MTFMT: variants seen among roughly 807,000 people sequenced by gnomAD.
MTFMT encodes mitochondrial methionyl-tRNA formyltransferase, also known as methionyl-tRNA formyltransferase, mitochondrial.
A neutral mutation model predicts 51.8 loss-of-function variants in MTFMT; 47 were observed. That is an observed-to-expected ratio of 0.91 (90% CI 0.72 to 1.16). The LOEUF is 1.16. Among genes scored for constraint, MTFMT ranks in the 50% most tolerant of loss-of-function variants. The probability of loss-of-function intolerance (pLI) is 0.00; values close to 1 mark genes in which losing one functional copy is unlikely to be tolerated. For synonymous variants in MTFMT, 196 were observed against 176.7 expected (o/e 1.11, Z -0.87); for missense variants, 512 against 482.3 (o/e 1.06, Z -0.58).
Position 65,009,113 on chromosome 15 carries a change from A to T in MTFMT, c.814-2922T>A, listed in dbSNP as rs560254903. 1.4e-4 allele frequency among the ~76,000 whole-genome samples: 22 copies of T among 152,318 alleles called. No individual in the cohort carries two copies. The South Asian group carries it at 3.5e-3, about 24-fold the overall frequency. The stretch of plus-strand genomic sequence containing the variant: ...ATTAATCCCACTTTAGAGGTAAAAA[A>T]AGCAGAAGCTCAAAGACAAGGGCCT... On this transcript the variant is annotated intron_variant, in intron 6 of 8. Transcript: ENST00000220058.
intron 2 of MTFMT, chr15:65,026,009 G>A (rs1351054065): frequency 6.6e-6 from 1 of 152,178 alleles, no homozygotes; most frequent in Non-Finnish European, 1.5e-5. Context: ...GTTGAGCAAA[G>A]GCTTCAGTGA....
At chr15:65,021,842 C>T (rs1033775317) in intron 3 of MTFMT, among the ~76,000 whole-genome samples, 32 of 152,116 alleles carry the variant, frequency 2.1e-4, no homozygotes, top group African/African-American at 7.7e-4. Context: ...GATAGTTTAT[C>T]ACTGGCTATT....
chr15:65,022,980 T>G (rs1029759234), intron 3 of MTFMT, among the ~76,000 whole-genome samples: 1 of 152,170 alleles, frequency 6.6e-6, no homozygotes, highest in Non-Finnish European at 1.5e-5. Flanking sequence ...TGAGCCACCA[T>G]GCCTGGCTCA....
Position 65,023,558 on chromosome 15 carries a change from A to T in MTFMT, c.542+114T>A, listed in dbSNP as rs2086393612. Reference sequence around the variant, plus strand: ...GAAAGGATATAAAAGCAGAAGAAGCACTCTGGAGTCACAGAAATTAGTGAG... The same window carrying T: ...GAAAGGATATAAAAGCAGAAGAAGCTCTCTGGAGTCACAGAAATTAGTGAG... On this transcript the variant is annotated intron_variant, in intron 3 of 8. Coordinates refer to ENST00000220058, the MANE Select transcript of MTFMT (RefSeq NM_139242.4). 5.3e-6 allele frequency: 5 copies of T among 941,826 alleles called. No individual in the cohort carries two copies. The African/African-American group carries it at 6.4e-5, about 12-fold the overall frequency. 58.3% of individuals were successfully genotyped at this position (941,826 alleles called of 1,614,324 possible). A position where few individuals can be genotyped will look rare whatever the true frequency, so the allele number is the denominator to read the frequency against.
intron 3 of MTFMT, among the ~76,000 whole-genome samples, chr15:65,023,222 C>G (rs1224084390): frequency 1.3e-5 from 2 of 152,044 alleles, no homozygotes; most frequent in Non-Finnish European, 2.9e-5. Flanking sequence ...TTGTTCTAAA[C>G]TATAGGTATG....
chr15:65,011,483 GTCTTT>G (rs1566940639), intron 6 of MTFMT, among the ~76,000 whole-genome samples: 1 of 85,742 alleles, frequency 1.2e-5, no homozygotes, highest in African/African-American at 4.2e-5. Context: ...TCTGTAAGCT[GTCTTT>G]TTTTTTTTTT....
chr15:65,022,388 G>A (rs1254135737), intron 3 of MTFMT, among the ~76,000 whole-genome samples: 2 of 151,994 alleles, frequency 1.3e-5, no homozygotes, highest in Non-Finnish European at 2.9e-5. Flanking sequence ...GGGAAGCAGA[G>A]GTTGCAGTGA....
Position 65,023,737 on chromosome 15 carries a change from T to C in MTFMT, c.477A>G (p.Val159=). 6.2e-7 allele frequency: 1 copy of C among 1,613,716 alleles called. No homozygotes were observed. Reference sequence around the variant, plus strand: ...TGTCTCCGTGAAGCACTGTATGGATTACAGGGGCTGGGCCACGCCATCTCG... The same window carrying C: ...TGTCTCCGTGAAGCACTGTATGGATCACAGGGGCTGGGCCACGCCATCTCG... ...CLPRWRGPAP[V]IHTVLHGDTV... Residue 159 remains valine (V), a synonymous_variant, in exon 3 of 9, where the codon GTA becomes GTG. Transcript: ENST00000220058.
intron 1 of MTFMT, among the ~76,000 whole-genome samples, chr15:65,028,610 T>C (rs2086449514): frequency 1.3e-5 from 2 of 151,808 alleles, no homozygotes; most frequent in African/African-American, 4.8e-5. Context: ...TGCTGTGAAG[T>C]ATCTGTAGGG....
chr15:65,005,010 T>A (rs1440539419), intron 7 of MTFMT, 74 bp from the exon 8 acceptor site: 5 of 1,038,060 alleles, frequency 4.8e-6, no homozygotes, highest in Middle Eastern at 2.1e-4. Flanking sequence ...TTCTTAAAAA[T>A]CAAAAAACAT....
At position 65,027,035 on chromosome 15, in the gene MTFMT, T is replaced by C. The variant is rs769644921; in HGVS notation, c.215A>G (p.Asn72Ser). The C allele has an allele frequency of 2.5e-6, 4 of 1,612,486 alleles. No homozygotes were observed. The Admixed American group carries it at 6.7e-5, about 27-fold the overall frequency. The change falls in exon 2 of 9, where the codon AAC becomes AGC. Residue 72 changes from asparagine to serine, a missense_variant. By Grantham distance (46) the Asn-to-Ser change is conservative. Transcript: ENST00000220058. ...ALRALHAARE[N>S]KEEELIDKLE... ...TTTGTCGATTAACTCTTCTTCTTTG[T>C]TTTCCCTAAATTAGATAGGAAGAAA... is the stretch of plus-strand genomic sequence containing the variant.
intron 2 of MTFMT, among the ~76,000 whole-genome samples, chr15:65,024,989 G>C (rs2086409122): frequency 6.6e-6 from 1 of 151,048 alleles, no homozygotes; most frequent in Non-Finnish European, 1.5e-5. Flanking sequence ...GTAAATGCTC[G>C]GCAAATTCAA....
At chr15:65,005,985 AT>A (rs2086216813) in intron 7 of MTFMT, 127 bp downstream of exon 7, 2 of 590,398 alleles carry the variant, frequency 3.4e-6, no homozygotes, top group Non-Finnish European at 6.0e-6. Flanking sequence ...AATGTAAAGT[AT>A]TATAATTACT....
chr15:65,020,056 A>G lies in MTFMT; in HGVS notation c.721+141T>C, dbSNP rs556629982. 129 of 705,324 alleles carry G rather than the reference A, an allele frequency of 1.8e-4. 1 individual carries two copies. The Admixed American group carries it at 2.9e-3, about 16-fold the overall frequency. 43.7% of individuals were successfully genotyped at this position (705,324 alleles called of 1,614,324 possible). A position where few individuals can be genotyped will look rare whatever the true frequency, so the allele number is the denominator to read the frequency against. ...CTAAGAGGGAGAAAGAATGCTTTCT[A>G]CCATTCTTTGGAAAAGCACACAAAA... is the stretch of plus-strand genomic sequence containing the variant. On this transcript the variant is annotated intron_variant, in intron 5 of 8. Transcript: ENST00000220058.
intron 3 of MTFMT, among the ~76,000 whole-genome samples, chr15:65,022,408 A>T (rs980130197): frequency 6.6e-6 from 1 of 151,030 alleles, no homozygotes; most frequent in Non-Finnish European, 1.5e-5. Context: ...AGCTGAGATC[A>T]CCCCACTACA....
intron 5 of MTFMT, among the ~76,000 whole-genome samples, chr15:65,017,658 C>T (rs2086335429): frequency 6.6e-6 from 1 of 152,074 alleles, no homozygotes; most frequent in Admixed American, 6.6e-5. Context: ...ATTAGCCAGG[C>T]ATGGTGGAAT....
chr15:65,008,922 C>T (rs995125406), intron 6 of MTFMT, among the ~76,000 whole-genome samples: 6 of 151,624 alleles, frequency 4.0e-5, no homozygotes, highest in African/African-American at 1.2e-4. Flanking sequence ...TCTTGTTCTT[C>T]GGGAGGTAAA....
At chr15:65,016,385 C>A (rs376724831) in intron 6 of MTFMT, 51 bp downstream of exon 6, 3 of 1,018,618 alleles carry the variant, frequency 2.9e-6, no homozygotes, top group Non-Finnish European at 1.5e-6. Flanking sequence ...AAGCAAATTA[C>A]ACACATAGAA....
intron 6 of MTFMT, among the ~76,000 whole-genome samples, chr15:65,008,134 A>G (rs1422059067): frequency 6.6e-6 from 1 of 152,206 alleles, no homozygotes; most frequent in Non-Finnish European, 1.5e-5. Context: ...TAAAAAACAC[A>G]TAAGAAAAAT....
Sources: allele counts gnomAD v4.1 joint callset (sites outside exome capture counted in the v4.1 genomes callset), GRCh38; gene constraint gnomAD v4.1.1; transcripts MANE v1.5; gene names NCBI Gene and HGNC (gene_info 2026-07-23, HGNC 2026-07-21).